AFDN: variants seen among roughly 807,000 people sequenced by gnomAD.
The protein encoded by AFDN is afadin.
A neutral mutation model predicts 216.6 loss-of-function variants in AFDN; 68 were observed. The ratio of observed to expected loss-of-function variants is 0.31; its 90% CI spans 0.26 to 0.38. The LOEUF (loss-of-function observed/expected upper bound fraction) is 0.38, where lower values mean the gene tolerates loss of function less well. Among genes scored for constraint, AFDN ranks in the 10% least tolerant of loss-of-function variants. AFDN has a pLI of 1.00. For missense variants in AFDN, 2,136 were observed against 2,342.0 expected, an observed-to-expected ratio of 0.91 and a Z score of 1.82; for synonymous variants, 868 against 853.7, an observed-to-expected ratio of 1.02 and a Z score of -0.29.
At chr6:167,872,114 C>A (rs1784860531) in intron 3 of AFDN, 100 bp from the exon 4 acceptor site, 1 of 1,109,828 alleles carries the variant, frequency 9.0e-7, no homozygotes, top group Non-Finnish European at 1.3e-6. Flanking sequence ...TAGCTTTGTT[C>A]ACATGTTCGG....
chr6:167,884,910 T>G (rs1445737626), intron 6 of AFDN, among the ~76,000 whole-genome samples: 5 of 152,230 alleles, frequency 3.3e-5, no homozygotes, highest in Non-Finnish European at 1.5e-5. Flanking sequence ...GAAGGCTGTT[T>G]CATCTTCATT....
At chr6:167,909,443 T>C (rs1486595783) in intron 13 of AFDN, among the ~76,000 whole-genome samples, 1 of 152,122 alleles carries the variant, frequency 6.6e-6, no homozygotes, top group Non-Finnish European at 1.5e-5. Context: ...TGTAAACTAT[T>C]ATAAATCTGT....
chr6:167,922,743 G>A (rs1791988479), intron 21 of AFDN, 113 bp from the exon 22 acceptor site: 5 of 667,116 alleles, frequency 7.5e-6, no homozygotes, highest in Non-Finnish European at 1.1e-5. Context: ...AAGGTGTAGA[G>A]TAAGAAGAAT....
At chr6:167,903,849 T>A (rs1391914859) in intron 12 of AFDN, among the ~76,000 whole-genome samples, 2 of 152,214 alleles carry the variant, frequency 1.3e-5, no homozygotes, top group Non-Finnish European at 2.9e-5. Flanking sequence ...ACTGATGACC[T>A]CCCAGGTCCC....
Position 167,833,643 on chromosome 6 carries a change from A to G in AFDN, c.105+6406A>G, listed in dbSNP as rs187072341. On this transcript the variant is annotated intron_variant, in intron 1 of 33. Coordinates refer to ENST00000683244, the MANE Select transcript of AFDN (RefSeq NM_001386888.1). ...TCCTGATTTTTTTATAGGAGAACCA[A>G]CAAAAATTCTGTCAATTTTTTCACT... Among the ~76,000 whole-genome samples, 7 of 152,296 alleles carry G rather than the reference A, an allele frequency of 4.6e-5. No individual in the cohort carries two copies. In the East Asian group the frequency reaches 5.8e-4, roughly 13 times the overall value.
intron 6 of AFDN, among the ~76,000 whole-genome samples, chr6:167,884,673 G>A (rs536445731): frequency 1.3e-5 from 2 of 151,952 alleles, no homozygotes; most frequent in South Asian, 4.2e-4. Context: ...TAGATGTGTT[G>A]ACATCTAGGA....
intron 26 of AFDN, among the ~76,000 whole-genome samples, chr6:167,944,657 C>T (rs1234918909): frequency 6.6e-6 from 1 of 152,084 alleles, no homozygotes; most frequent in Non-Finnish European, 1.5e-5. Flanking sequence ...CAGTGTACTA[C>T]ACAAACCTAG....
intron 8 of AFDN, 70 bp from the exon 9 acceptor site, chr6:167,893,792 C>T (rs889261761): frequency 1.9e-5 from 22 of 1,184,992 alleles, no homozygotes; most frequent in African/African-American, 6.1e-5. Flanking sequence ...CCCTATTCCG[C>T]GTGTTCTGCA....
rs1280320445 is a variant in AFDN, at chr6:167,872,243, G to A, written c.444G>A (p.Gln148=). Residue 148 remains glutamine (Q), a synonymous_variant, in exon 4 of 34, where the codon CAG becomes CAA. Coordinates refer to ENST00000683244, the MANE Select transcript of AFDN (RefSeq NM_001386888.1). ...KKAQSNGPEK[Q]EKEGVIQNFK... is the part of the protein sequence containing the mutation. ...CTCAAAGTAATGGACCTGAAAAGCAGGAAAAAGAAGGGGTTATCCAGAACT... is the reference window on the plus strand; with the variant it reads ...CTCAAAGTAATGGACCTGAAAAGCAAGAAAAAGAAGGGGTTATCCAGAACT... 6.2e-7 allele frequency: 1 copy of A among 1,611,430 alleles called. No homozygotes were observed. The highest frequency in any genetic ancestry group is 8.5e-7 in the Non-Finnish European group (1 of 1,179,314).
intron 1 of AFDN, among the ~76,000 whole-genome samples, chr6:167,864,084 G>C (rs760532369): frequency 6.6e-6 from 1 of 152,088 alleles, no homozygotes; most frequent in Admixed American, 6.5e-5. Context: ...GGGACCTCAC[G>C]GGCAGTACAG....
At chr6:167,857,953 T>C (rs1024653309) in intron 1 of AFDN, among the ~76,000 whole-genome samples, 3 of 152,184 alleles carry the variant, frequency 2.0e-5, no homozygotes, top group Admixed American at 6.5e-5. Flanking sequence ...TATGATTGAG[T>C]TATAAACATA....
chr6:167,890,778 A>T lies in AFDN; in HGVS notation c.1010-84A>T, dbSNP rs921294703. ...CTAAATTACATGCATCTTTTTGAGAAAGTTTTGCACAGTTGACTGCCAGTC... is the reference window on the plus strand; with the variant it reads ...CTAAATTACATGCATCTTTTTGAGATAGTTTTGCACAGTTGACTGCCAGTC... On this transcript the variant is annotated intron_variant, in intron 7 of 33. Transcript: ENST00000683244. The T allele has an allele frequency of 2.2e-6, 3 of 1,334,342 alleles. No individual in the cohort carries two copies. The Admixed American group carries it at 6.5e-5, about 29-fold the overall frequency. 82.7% of individuals were successfully genotyped at this position (1,334,342 alleles called of 1,614,324 possible).
chr6:167,916,639 A>C (rs1470591007), intron 19 of AFDN, among the ~76,000 whole-genome samples: 1 of 151,832 alleles, frequency 6.6e-6, no homozygotes, highest in Admixed American at 6.6e-5. Flanking sequence ...CAGCTTAAAA[A>C]CCTAGGACTT....
At position 167,962,946 on chromosome 6, in the gene AFDN, G is replaced by C; in HGVS notation, c.4968+379G>C. 8.9e-7 allele frequency: 1 copy of C among 1,120,282 alleles called. No homozygotes were observed. 69.4% of individuals were successfully genotyped at this position (1,120,282 alleles called of 1,614,324 possible). A position where few individuals can be genotyped will look rare whatever the true frequency, so the allele number is the denominator to read the frequency against. On this transcript the variant is annotated intron_variant, in intron 31 of 33. Transcript: ENST00000683244. This position sits in a 1 kb window ranked among gnomAD's most constrained non-coding sequence, Gnocchi z 5.2. ...TTGCTTAAATGGCATGTGGACCGTG[G>C]GAAGCAGTAGGAGCGTAGTAAGACA...
At chr6:167,845,990 T>A (rs1342061716) in intron 1 of AFDN, among the ~76,000 whole-genome samples, 1 of 151,880 alleles carries the variant, frequency 6.6e-6, no homozygotes, top group African/African-American at 2.4e-5. Flanking sequence ...CAGATGCTTA[T>A]AAAACCATCA....
chr6:167,921,527 G>C (rs191744815), intron 21 of AFDN, among the ~76,000 whole-genome samples: 1 of 152,166 alleles, frequency 6.6e-6, no homozygotes, highest in African/African-American at 2.4e-5. Context: ...ATATTCCTTT[G>C]TTTCCTTCAT....
intron 1 of AFDN, among the ~76,000 whole-genome samples, chr6:167,839,368 T>C (rs891372445): frequency 6.6e-6 from 1 of 152,138 alleles, no homozygotes; most frequent in Non-Finnish European, 1.5e-5. Flanking sequence ...TTTTTTTTTT[T>C]CCAGTAATGG....
At chr6:167,956,344 T>C (rs569361383) in intron 30 of AFDN, among the ~76,000 whole-genome samples, 1 of 152,160 alleles carries the variant, frequency 6.6e-6, no homozygotes, top group East Asian at 1.9e-4. Context: ...GGCAGGTCTT[T>C]TCCTGTTTGG....
rs1795955223 is a variant in AFDN, at chr6:167,951,384, A to G, written c.4030A>G (p.Lys1344Glu). ...GGTCACCCCTGCTTCCACACTGACC[A>G]AAAGTGGCCCTGGCCGTTGGAAAAC... ...KSVTPASTLT[K>E]SGPGRWKTPA... The change falls in exon 30 of 34, where the codon AAA becomes GAA. Residue 1344 changes from lysine (K) to glutamate (E), a missense_variant. This residue lies in a region of AFDN where 981 missense variants were observed against 966.0 expected (regional missense o/e 1.02). Transcript: ENST00000683244. This position sits in a 1 kb window ranked among gnomAD's most constrained non-coding sequence, Gnocchi z 7.1. 1 of 1,614,148 alleles carries G rather than the reference A, an allele frequency of 6.2e-7. No homozygotes were observed. Among genetic ancestry groups the G allele is most frequent in the Non-Finnish European group, 8.5e-7 (1 of 1,180,048 alleles).
Sources: gnomAD v4.1 joint callset for allele counts (sites outside exome capture counted in the v4.1 genomes callset) on GRCh38, gnomAD v4.1.1 for gene constraint, gnomAD v4.1.1 regional missense constraint, Gnocchi (gnomAD v3.1) non-coding constraint, MANE v1.5 for transcripts, NCBI Gene and HGNC (gene_info 2026-07-23, HGNC 2026-07-21) for gene names.